DHX36: variants seen among roughly 807,000 people sequenced by gnomAD.
DHX36 encodes the protein ATP-dependent DNA/RNA helicase DHX36.
A neutral mutation model predicts 139.0 loss-of-function variants in DHX36; 50 were observed. That is an observed-to-expected ratio of 0.36 (90% CI 0.29 to 0.46). DHX36 has a LOEUF of 0.46. Among genes scored for constraint, DHX36 ranks in the 20% least tolerant of loss-of-function variants. DHX36 has a pLI of 1.00. For missense variants in DHX36, 1,024 were observed against 1,211.3 expected (o/e 0.85, Z 2.29); for synonymous variants, 425 against 401.9 (o/e 1.06, Z -0.69).
At chr3:154,304,678 A>T in intron 8 of DHX36, 128 bp downstream of exon 8, 1 of 697,998 alleles carries the variant, frequency 1.4e-6, no homozygotes, top group Non-Finnish European at 2.2e-6. Context: ...ACTGGAGGGT[A>T]GAATAATATT....
At chr3:154,296,844 G>A (rs533281380) in intron 12 of DHX36, among the ~76,000 whole-genome samples, 83 of 152,172 alleles carry the variant, frequency 5.5e-4, no homozygotes, top group Non-Finnish European at 1.1e-3. Context: ...AAAAAGTAGT[G>A]AACAGCTGCC....
chr3:154,310,696 T>C (rs564143690), intron 4 of DHX36, among the ~76,000 whole-genome samples: 2 of 140,224 alleles, frequency 1.4e-5, no homozygotes, highest in East Asian at 4.7e-4. Context: ...GAGGATCGCT[T>C]GAACCCGAGA....
chr3:154,315,980 T>C (rs1231965059), intron 2 of DHX36, 59 bp downstream of exon 2: 3 of 1,527,518 alleles, frequency 2.0e-6, no homozygotes, highest in Non-Finnish European at 2.6e-6. Flanking sequence ...AAAGATGTTA[T>C]TTTTATTATT....
chr3:154,316,508 T>A (rs1712989618), intron 1 of DHX36, among the ~76,000 whole-genome samples: 1 of 152,094 alleles, frequency 6.6e-6, no homozygotes, highest in Non-Finnish European at 1.5e-5. Context: ...TCTTAAAATT[T>A]CAAAGTTATT....
chr3:154,301,428 C>CA, intron 9 of DHX36, among the ~76,000 whole-genome samples: 1 of 151,986 alleles, frequency 6.6e-6, no homozygotes, highest in Non-Finnish European at 1.5e-5. Context: ...TGCTTTAGAA[C>CA]AAAAGTTAAT....
chr3:154,280,096 C>A lies in DHX36; in HGVS notation c.2567+483G>T, dbSNP rs139777769. The A allele has an allele frequency of 8.5e-3, 1,297 of 152,680 alleles. 10 individuals are homozygous for A. Among genetic ancestry groups the A allele is most frequent in the Middle Eastern group, 0.034 (10 of 294 alleles). The allele number at this position is 152,680 out of a possible 1,614,324, so 9.5% of individuals were successfully genotyped here. On this transcript the variant is annotated intron_variant, in intron 22 of 24. Coordinates refer to ENST00000496811, the MANE Select transcript of DHX36 (RefSeq NM_020865.3). ...CTCTTAGTTTCTCTGTATCCTTTAGCTAGAATGAGCTCATTCTAGCTCATG... is the reference window on the plus strand; with the variant it reads ...CTCTTAGTTTCTCTGTATCCTTTAGATAGAATGAGCTCATTCTAGCTCATG...
chr3:154,309,482 G>A (rs1364201097), intron 5 of DHX36, among the ~76,000 whole-genome samples, 171 bp downstream of exon 5: 3 of 152,146 alleles, frequency 2.0e-5, no homozygotes, highest in African/African-American at 7.2e-5. Context: ...TGTTAAGAGA[G>A]AGGTTACTCA....
chr3:154,324,476 G>T lies in DHX36; in HGVS notation c.-60C>A, dbSNP rs1164864069. On this transcript the variant is annotated 5_prime_UTR_variant, in exon 1 of 25. Coordinates refer to ENST00000496811, the MANE Select transcript of DHX36 (RefSeq NM_020865.3). ...ACCGCTGGAAATGGCGTCCGGGCCC[G>T]GAAGCCACTGTGCGCCCACTTCCGT... The T allele has an allele frequency of 7.0e-7, 1 of 1,434,726 alleles. No homozygotes were observed. Among genetic ancestry groups the T allele is most frequent in the Admixed American group, 2.8e-5 (1 of 35,572 alleles). The allele number at this position is 1,434,726 out of a possible 1,614,324, so 88.9% of individuals were successfully genotyped here. A position where few individuals can be genotyped will look rare whatever the true frequency, so the allele number is the denominator to read the frequency against.
intron 15 of DHX36, 135 bp downstream of exon 15, chr3:154,292,416 A>T: frequency 8.1e-7 from 1 of 1,228,756 alleles, no homozygotes; most frequent in Non-Finnish European, 1.2e-6. Flanking sequence ...TTTCCTATTT[A>T]AAAATGTTTT....
At chr3:154,280,989 T>TTTA (rs1719317638) in intron 20 of DHX36, 127 bp from the exon 21 acceptor site, 2 of 713,088 alleles carry the variant, frequency 2.8e-6, no homozygotes, top group South Asian at 3.9e-5. Flanking sequence ...GCAAACATGT[T>TTTA]TTAAAGCAAG....
chr3:154,283,886 C>T (rs1358533805), intron 19 of DHX36, among the ~76,000 whole-genome samples: 3 of 152,070 alleles, frequency 2.0e-5, no homozygotes, highest in Non-Finnish European at 4.4e-5. Context: ...GAATTATGTA[C>T]ATGATTATGA....
intron 1 of DHX36, among the ~76,000 whole-genome samples, chr3:154,318,387 C>G (rs1179910728): frequency 6.6e-6 from 1 of 152,086 alleles, no homozygotes; most frequent in Non-Finnish European, 1.5e-5. Context: ...TCTCACTTTT[C>G]CATGTTAACT....
rs533560161 is a variant in DHX36 at position 154,311,761 on chromosome 3, T to C, written c.604-87A>G. 58 of 1,008,022 alleles carry C rather than the reference T, an allele frequency of 5.8e-5. No individual in the cohort carries two copies. The African/African-American group carries it at 7.5e-4, about 13-fold the overall frequency. 62.4% of individuals were successfully genotyped at this position (1,008,022 alleles called of 1,614,324 possible). On this transcript the variant is annotated intron_variant, in intron 3 of 24. Transcript: ENST00000496811. ...TATTTAGGATACATCACAGGGTAAA[T>C]TGGCTAGAATCCGAAAGTATTTTTA...
At chr3:154,312,854 T>TAA (rs1712815924) in intron 3 of DHX36, among the ~76,000 whole-genome samples, 3 of 3,844 alleles carry the variant, frequency 7.8e-4, no homozygotes, top group Non-Finnish European at 1.7e-3. Flanking sequence ...ATAATTAAAA[T>TAA]ATATATATAT....
rs1370070892 is a variant in DHX36, at chr3:154,305,386, T to G, written c.894-218A>C. 9 of 461,102 alleles carry G rather than the reference T, an allele frequency of 2.0e-5. No individual in the cohort carries two copies. In the East Asian group the frequency reaches 3.4e-4, roughly 17 times the overall value. The allele number at this position is 461,102 out of a possible 1,614,324, so 28.6% of individuals were successfully genotyped here. A position where few individuals can be genotyped will look rare whatever the true frequency, so the allele number is the denominator to read the frequency against. ...TTGTTGTCATTGATATAATGTTAAT[T>G]TCTTTTAAAAGATACGACCATTCAC... On this transcript the variant is annotated intron_variant, in intron 6 of 24. Transcript: ENST00000496811.
At chr3:154,316,921 T>C (rs923799666) in intron 1 of DHX36, among the ~76,000 whole-genome samples, 2 of 152,054 alleles carry the variant, frequency 1.3e-5, no homozygotes, top group African/African-American at 2.4e-5. Flanking sequence ...CTACAAACCT[T>C]AGGTTCTAAC....
chr3:154,313,715 G>A (rs1712857327), intron 3 of DHX36, among the ~76,000 whole-genome samples: 1 of 151,992 alleles, frequency 6.6e-6, no homozygotes. Context: ...CACATATATA[G>A]CACAGTAACT....
At chr3:154,303,239 CAAT>C in intron 9 of DHX36, 87 bp downstream of exon 9, 1 of 894,182 alleles carries the variant, frequency 1.1e-6, no homozygotes, top group Non-Finnish European at 1.7e-6. Context: ...AGGAAATAGT[CAAT>C]GATGGGTTTC....
chr3:154,324,372 G>T lies in DHX36; in HGVS notation c.45C>A (p.Pro15=). ...CTCCATAGCCCCCACCGGAGCTGCGGGGACCCCCATCACGGCCCCAGTTCT... is the reference window on the plus strand; with the variant it reads ...CTCCATAGCCCCCACCGGAGCTGCGTGGACCCCCATCACGGCCCCAGTTCT... ...YHQNWGRDGG[P]RSSGGGYGGG... The change falls in exon 1 of 25, where the codon CCC becomes CCA. Residue 15 remains proline (P), a synonymous_variant. Coordinates refer to ENST00000496811, the MANE Select transcript of DHX36 (RefSeq NM_020865.3). The T allele has an allele frequency of 6.3e-7, 1 of 1,589,498 alleles. No individual in the cohort carries two copies.
Sources: gnomAD v4.1 joint callset for allele counts (sites outside exome capture counted in the v4.1 genomes callset) on GRCh38, gnomAD v4.1.1 for gene constraint, MANE v1.5 for transcripts, NCBI Gene and HGNC (gene_info 2026-07-23, HGNC 2026-07-21) for gene names.